The following PHIP variants were observed in gnomAD, a reference collection of about 807,000 sequenced individuals.
PHIP encodes the protein PHIP subunit of CUL4-Ring ligase complex, also known as PH-interacting protein.
In PHIP, 54 loss-of-function variants were observed where a neutral mutation model predicts 236.8. The ratio of observed to expected loss-of-function variants is 0.23; its 90% CI spans 0.18 to 0.29. The LOEUF (loss-of-function observed/expected upper bound fraction) is 0.29, where lower values mean the gene tolerates loss of function less well. Ranked by LOEUF, PHIP falls within the 10% of genes least tolerant of loss-of-function variation. The probability of loss-of-function intolerance (pLI) is 1.00; values close to 1 mark genes in which losing one functional copy is unlikely to be tolerated. For missense variants in PHIP, 1,370 were observed against 2,190.8 expected (o/e 0.63, Z 7.48); for synonymous variants, 756 against 718.9 (o/e 1.05, Z -0.83).
At chr6:78,972,444 A>T (rs1767654815) in intron 24 of PHIP, among the ~76,000 whole-genome samples, 1 of 152,204 alleles carries the variant, frequency 6.6e-6, no homozygotes, top group South Asian at 2.1e-4. Context: ...AGAACAGAAA[A>T]ACTGGAAACT....
intron 27 of PHIP, among the ~76,000 whole-genome samples, chr6:78,966,467 C>A (rs1404146277): frequency 6.6e-6 from 1 of 152,142 alleles, no homozygotes; most frequent in Non-Finnish European, 1.5e-5. Context: ...GTTTCCCCAA[C>A]CAACAATCAA....
intron 4 of PHIP, among the ~76,000 whole-genome samples, chr6:79,073,513 T>C (rs1018485094): frequency 6.6e-6 from 1 of 152,188 alleles, no homozygotes. Flanking sequence ...GTTGAAACTA[T>C]GTTATCTTCA....
chr6:78,955,242 C>T lies in PHIP; in HGVS notation c.3893G>A (p.Arg1298Gln), dbSNP rs1207047989. ...KDADVPGTST[R>Q]KRKDHQPRRR... ...CTAAAACTATATTACCTTCCTTTTT[C>T]GAGTAGAAGTTCCTGGCACATCAGC... The change falls in exon 34 of 40, where the codon CGA (arginine) becomes CAA (glutamine). Residue 1298 changes from arginine to glutamine, a missense_variant. Coordinates refer to ENST00000275034, the MANE Select transcript of PHIP (RefSeq NM_017934.7). 3.5e-5 allele frequency: 56 copies of T among 1,605,816 alleles called. No individual in the cohort carries two copies. Among genetic ancestry groups the T allele is most frequent in the Admixed American group, 5.1e-5 (3 of 59,254 alleles).
chr6:78,976,007 A>C (rs1482168667), intron 24 of PHIP, among the ~76,000 whole-genome samples: 1 of 151,996 alleles, frequency 6.6e-6, no homozygotes, highest in Non-Finnish European at 1.5e-5. Flanking sequence ...CTTTCTTCAC[A>C]GAATTGGAAA....
chr6:78,992,892 G>A (rs1038961789), intron 19 of PHIP, among the ~76,000 whole-genome samples: 1 of 152,110 alleles, frequency 6.6e-6, no homozygotes, highest in Non-Finnish European at 1.5e-5. Context: ...AGGTAGCAAC[G>A]ATTAAACTCT....
intron 6 of PHIP, among the ~76,000 whole-genome samples, chr6:79,057,795 G>A (rs1306201980): frequency 3.3e-5 from 5 of 151,988 alleles, no homozygotes; most frequent in Admixed American, 3.3e-4. Context: ...GAACCATACT[G>A]TAACAGCTTG....
At chr6:78,979,239 C>A (rs1295093830) in intron 23 of PHIP, among the ~76,000 whole-genome samples, 1 of 152,004 alleles carries the variant, frequency 6.6e-6, no homozygotes, top group Non-Finnish European at 1.5e-5. Context: ...GTTATTCAAT[C>A]TCTCCAAATC....
chr6:78,975,411 A>G (rs1582147340), intron 24 of PHIP, among the ~76,000 whole-genome samples: 1 of 152,346 alleles, frequency 6.6e-6, no homozygotes, highest in Non-Finnish European at 1.5e-5. Flanking sequence ...ACCCACAGCC[A>G]ATATCATACT....
At position 78,963,186 on chromosome 6, in the gene PHIP, T is replaced by C. The variant is rs555316828; in HGVS notation, c.3446A>G (p.Tyr1149Cys). ...ACCCCATTCTCCATCAAGAGGTTTA[T>C]AGATTAGTGATCTGCACTCACCATC... The part of the protein sequence containing the change: ...LTDGECRSLI[Y>C]KPLDGEWGTN... The change falls in exon 30 of 40, where the codon TAT (tyrosine) becomes TGT (cysteine). Residue 1149 changes from tyrosine to cysteine, a missense_variant. Coordinates refer to ENST00000275034, the MANE Select transcript of PHIP (RefSeq NM_017934.7). The C allele has an allele frequency of 1.2e-5, 20 of 1,611,544 alleles. No homozygotes were observed. The South Asian group carries it at 1.7e-4, about 13-fold the overall frequency.
chr6:79,042,128 C>T (rs935458377), intron 7 of PHIP, among the ~76,000 whole-genome samples: 1 of 151,954 alleles, frequency 6.6e-6, no homozygotes, highest in Non-Finnish European at 1.5e-5. Flanking sequence ...TAAATATCAT[C>T]ATAATAGTGT....
At chr6:79,011,950 TA>T (rs1460085780) in intron 15 of PHIP, among the ~76,000 whole-genome samples, 10 of 151,582 alleles carry the variant, frequency 6.6e-5, no homozygotes, top group Middle Eastern at 3.4e-3. Context: ...ATTAAAATAT[TA>T]ATGTTTTATA....
chr6:78,945,537 G>T, intron 38 of PHIP, 40 bp from the exon 39 acceptor site: 1 of 1,228,834 alleles, frequency 8.1e-7, no homozygotes, highest in Non-Finnish European at 1.2e-6. Context: ...AAGAGTTATT[G>T]AACCTAAAGA....
chr6:78,988,806 T>A (rs79043123), intron 20 of PHIP, among the ~76,000 whole-genome samples: 5,591 of 152,208 alleles, frequency 0.037, 100 homozygotes, highest in Middle Eastern at 0.058. Flanking sequence ...ACTGAACTCT[T>A]CTGTATCTAC....
At chr6:78,988,073 A>G (rs1205748778) in intron 21 of PHIP, 136 bp downstream of exon 21, 1 of 499,382 alleles carries the variant, frequency 2.0e-6, no homozygotes, top group Non-Finnish European at 3.3e-6. Flanking sequence ...TAGAAAATAA[A>G]AGCTGTATCA....
intron 4 of PHIP, among the ~76,000 whole-genome samples, chr6:79,064,025 G>T (rs571319317): frequency 1.3e-5 from 2 of 151,912 alleles, no homozygotes; most frequent in Non-Finnish European, 2.9e-5. Context: ...CTTTACAGGA[G>T]AACCTTTTTT....
intron 39 of PHIP, among the ~76,000 whole-genome samples, chr6:78,943,078 T>G (rs1220164466): frequency 6.6e-6 from 1 of 152,184 alleles, no homozygotes; most frequent in African/African-American, 2.4e-5. Context: ...AAATACTGAT[T>G]AAATACTGAA....
chr6:78,981,290 C>A (rs952254611), intron 23 of PHIP, among the ~76,000 whole-genome samples: 3 of 151,848 alleles, frequency 2.0e-5, no homozygotes, highest in East Asian at 1.9e-4. Context: ...CATAAGATGA[C>A]CCTGTTTAAG....
intron 22 of PHIP, among the ~76,000 whole-genome samples, chr6:78,983,403 G>A (rs1768669000): frequency 6.6e-6 from 1 of 152,050 alleles, no homozygotes; most frequent in Non-Finnish European, 1.5e-5. Context: ...GAAAAATACT[G>A]ACTTCTGAGT....
At chr6:79,060,952 G>A in intron 4 of PHIP, 134 bp from the exon 5 acceptor site, 2 of 542,284 alleles carry the variant, frequency 3.7e-6, no homozygotes, top group East Asian at 6.2e-5. Flanking sequence ...TAAATCTCCA[G>A]AATAATTAAG....
Sources: allele counts gnomAD v4.1 joint callset (sites outside exome capture counted in the v4.1 genomes callset), GRCh38; gene constraint gnomAD v4.1.1; transcripts MANE v1.5; gene names NCBI Gene and HGNC (gene_info 2026-07-23, HGNC 2026-07-21).